DAP: variants seen among roughly 807,000 people sequenced by gnomAD.
DAP encodes the protein death-associated protein 1.
Under a neutral mutation model 13.8 loss-of-function variants are expected in DAP, and 8 were observed. That is an observed-to-expected ratio of 0.58 (90% CI 0.34 to 1.05). The LOEUF is 1.05. DAP is among the 50% of genes least tolerant of loss of function. The pLI is 0.03. For missense variants in DAP, 106 were observed against 133.2 expected (o/e 0.80, Z 1.01); for synonymous variants, 47 against 47.5 (o/e 0.99, Z 0.04).
chr5:10,693,124 GCACACACACACACA>G (rs10596228), intron 2 of DAP, among the ~76,000 whole-genome samples: 4 of 148,866 alleles, frequency 2.7e-5, no homozygotes, highest in African/African-American at 7.4e-5. Context: ...ACATGCACAC[GCACACACACACACA>G]CACACACACA....
At chr5:10,752,423 AAAG>A (rs1740069705) in intron 1 of DAP, among the ~76,000 whole-genome samples, 1 of 152,264 alleles carries the variant, frequency 6.6e-6, no homozygotes, top group South Asian at 2.1e-4. Context: ...TAAAACTACA[AAAG>A]AAGAATTACT....
chr5:10,698,223 G>A (rs1420469949), intron 2 of DAP, among the ~76,000 whole-genome samples: 3 of 132,068 alleles, frequency 2.3e-5, no homozygotes, highest in African/African-American at 8.8e-5. Context: ...TAGCTCTGGG[G>A]ACCCTCCTAA....
intron 2 of DAP, among the ~76,000 whole-genome samples, chr5:10,735,999 G>C (rs1347141080): frequency 6.6e-6 from 1 of 152,212 alleles, no homozygotes; most frequent in Admixed American, 6.5e-5. Context: ...TACTGGAGAA[G>C]GGTAGGCCCC....
intron 2 of DAP, among the ~76,000 whole-genome samples, chr5:10,745,321 C>T (rs1739872904): frequency 6.6e-6 from 1 of 152,152 alleles, no homozygotes; most frequent in Admixed American, 6.5e-5. Context: ...AGTAAACAGC[C>T]AAGCCAAAGT....
intron 2 of DAP, among the ~76,000 whole-genome samples, chr5:10,709,570 G>T (rs1738789511): frequency 6.6e-6 from 1 of 152,222 alleles, no homozygotes; most frequent in South Asian, 2.1e-4. Context: ...TTGGCAAATG[G>T]TTAAACAGGG....
At chr5:10,685,081 C>T (rs189299513) in intron 2 of DAP, among the ~76,000 whole-genome samples, 310 of 152,316 alleles carry the variant, frequency 2.0e-3, no homozygotes, top group Non-Finnish European at 3.4e-3. Flanking sequence ...AGTCAAAAGT[C>T]CCAGCATTCC....
chr5:10,758,001 A>G (rs752808590), intron 1 of DAP, among the ~76,000 whole-genome samples: 2 of 152,228 alleles, frequency 1.3e-5, no homozygotes, highest in Non-Finnish European at 2.9e-5. Flanking sequence ...TGGGCCAGAC[A>G]GCAACAAAGA....
chr5:10,719,576 G>A (rs1218624261), intron 2 of DAP, among the ~76,000 whole-genome samples: 4 of 152,212 alleles, frequency 2.6e-5, no homozygotes, highest in Non-Finnish European at 5.9e-5. Flanking sequence ...GGGTCATGAA[G>A]TCACCATGTG....
chr5:10,713,786 A>G (rs1026253474), intron 2 of DAP, among the ~76,000 whole-genome samples: 4 of 152,252 alleles, frequency 2.6e-5, no homozygotes, highest in African/African-American at 9.6e-5. Context: ...TTTATTCCTC[A>G]TTCGGGTGAT....
At chr5:10,689,568 CAG>C (rs746781509) in intron 2 of DAP, among the ~76,000 whole-genome samples, 5 of 152,174 alleles carry the variant, frequency 3.3e-5, no homozygotes, top group Non-Finnish European at 5.9e-5. Flanking sequence ...CTCATAAAGA[CAG>C]AGGATGTCAA....
intron 2 of DAP, among the ~76,000 whole-genome samples, chr5:10,702,183 T>A (rs184954105): frequency 6.6e-6 from 1 of 152,306 alleles, no homozygotes; most frequent in Non-Finnish European, 1.5e-5. Context: ...TGGCACATGG[T>A]CTGGTGCGCA....
At chr5:10,748,756 T>C (rs1455094061) in intron 1 of DAP, among the ~76,000 whole-genome samples, 2 of 152,256 alleles carry the variant, frequency 1.3e-5, no homozygotes, top group Non-Finnish European at 2.9e-5. Context: ...AAACTTCTAC[T>C]GCAGCTTTGC....
chr5:10,688,916 G>T (rs992549161), intron 2 of DAP, among the ~76,000 whole-genome samples: 1 of 152,212 alleles, frequency 6.6e-6, no homozygotes, highest in African/African-American at 2.4e-5. Context: ...TGCCACGTGA[G>T]GCTCTCGGGG....
At chr5:10,737,359 A>AC (rs972499544) in intron 2 of DAP, among the ~76,000 whole-genome samples, 27 of 149,740 alleles carry the variant, frequency 1.8e-4, no homozygotes, top group Non-Finnish European at 3.0e-4. Flanking sequence ...AAAAAAACAA[A>AC]AACAAAAACA....
chr5:10,733,128 C>G (rs1739508435), intron 2 of DAP, among the ~76,000 whole-genome samples: 1 of 150,962 alleles, frequency 6.6e-6, no homozygotes. Context: ...CAGGATTTCC[C>G]CTTTTTAAGG....
At chr5:10,683,487 A>C (rs1425361507) in intron 3 of DAP, 42 bp downstream of exon 3, 9 of 1,600,576 alleles carry the variant, frequency 5.6e-6, no homozygotes, top group Non-Finnish European at 7.7e-6. Context: ...CCATGCTGCC[A>C]TGCAAAAGCC....
intron 2 of DAP, among the ~76,000 whole-genome samples, chr5:10,728,584 T>C (rs1739351516): frequency 6.6e-6 from 1 of 152,256 alleles, no homozygotes; most frequent in Admixed American, 6.5e-5. Flanking sequence ...TTTTACTGAT[T>C]TGTTAATGTT....
chr5:10,756,853 CAG>C (rs1740197654), intron 1 of DAP, among the ~76,000 whole-genome samples: 1 of 152,322 alleles, frequency 6.6e-6, no homozygotes. Flanking sequence ...TTAGATGAAA[CAG>C]AAAGAATCTC....
intron 2 of DAP, among the ~76,000 whole-genome samples, chr5:10,744,531 C>A (rs1034764861): frequency 2.6e-5 from 4 of 152,166 alleles, no homozygotes; most frequent in Non-Finnish European, 1.5e-5. Context: ...TTATGGGCAA[C>A]CCCAGAATCA....
Sources: allele counts gnomAD v4.1 joint callset (sites outside exome capture counted in the v4.1 genomes callset), GRCh38; gene constraint gnomAD v4.1.1; transcripts MANE v1.5; gene names NCBI Gene and HGNC (gene_info 2026-07-23, HGNC 2026-07-21).